Variants in CADPS observed in about 807,000 individuals in gnomAD.
CADPS encodes the protein calcium-dependent secretion activator 1.
In CADPS, 57 loss-of-function variants were observed where a neutral mutation model predicts 167.3. The observed-to-expected ratio is 0.34, with a 90% confidence interval of 0.28 to 0.42. The LOEUF is 0.42. Among genes scored for constraint, CADPS ranks in the 20% least tolerant of loss-of-function variants. CADPS has a pLI of 1.00. For synonymous variants in CADPS, 676 were observed against 635.3 expected, an observed-to-expected ratio of 1.06 and a Z score of -0.96; for missense variants, 1,414 against 1,738.1, an observed-to-expected ratio of 0.81 and a Z score of 3.32.
intron 12 of CADPS, among the ~76,000 whole-genome samples, chr3:62,533,602 A>G (rs1191783708): frequency 6.6e-6 from 1 of 152,206 alleles, no homozygotes; most frequent in Non-Finnish European, 1.5e-5. Flanking sequence ...TCACACAGAT[A>G]ATACAAAACA....
intron 17 of CADPS, among the ~76,000 whole-genome samples, chr3:62,508,320 T>C (rs1436635892): frequency 6.6e-6 from 1 of 152,182 alleles, no homozygotes; most frequent in African/African-American, 2.4e-5. Context: ...CAGGCCTTGA[T>C]TTTTCTAGCT....
At chr3:62,583,768 G>T (rs1376390779) in intron 8 of CADPS, among the ~76,000 whole-genome samples, 1 of 33,342 alleles carries the variant, frequency 3.0e-5, no homozygotes, top group African/African-American at 7.5e-5. Flanking sequence ...TTTTTCTCTG[G>T]AACCTTGGGC....
At chr3:62,843,358 A>T (rs1162103469) in intron 1 of CADPS, among the ~76,000 whole-genome samples, 3 of 152,220 alleles carry the variant, frequency 2.0e-5, no homozygotes, top group African/African-American at 7.2e-5. Context: ...AATATTGAAG[A>T]TTCGAGGCTA....
chr3:62,788,891 G>C lies in CADPS; in HGVS notation c.442-22907C>G, dbSNP rs149482035. On this transcript the variant is annotated intron_variant, in intron 1 of 29. Transcript: ENST00000383710. ...TTAAATTTGAAGTACTAAGGGCTTA[G>C]GGTACCTGTGACTCGTCTTAAGTAG... is the stretch of plus-strand genomic sequence containing the variant. 3.4e-3 allele frequency among the ~76,000 whole-genome samples: 515 copies of C among 152,280 alleles called. 2 individuals are homozygous for C. The highest frequency in any genetic ancestry group is 6.8e-3 in the Middle Eastern group (2 of 294).
chr3:62,704,610 TG>T (rs1251760768), intron 3 of CADPS, among the ~76,000 whole-genome samples: 2 of 152,186 alleles, frequency 1.3e-5, no homozygotes, highest in African/African-American at 4.8e-5. Context: ...GTCATGATGA[TG>T]GATTTGCTAC....
chr3:62,721,312 G>GC (rs959180665), intron 3 of CADPS, among the ~76,000 whole-genome samples: 1 of 151,990 alleles, frequency 6.6e-6, no homozygotes, highest in African/African-American at 2.4e-5. Flanking sequence ...AACTGCATGT[G>GC]CCTAACAATA....
At chr3:62,696,473 A>T (rs1270786271) in intron 3 of CADPS, among the ~76,000 whole-genome samples, 2 of 151,878 alleles carry the variant, frequency 1.3e-5, no homozygotes, top group South Asian at 4.2e-4. Context: ...CCTGCCTCTG[A>T]GCTCAGAGGC....
At chr3:62,466,728 T>G in intron 24 of CADPS, 1 of 353,926 alleles carries the variant, frequency 2.8e-6, no homozygotes, top group Non-Finnish European at 5.3e-6. Flanking sequence ...TTGATTTGGA[T>G]CTTACAAAGC....
chr3:62,841,168 T>C (rs1375834778), intron 1 of CADPS, among the ~76,000 whole-genome samples: 2 of 152,188 alleles, frequency 1.3e-5, no homozygotes, highest in Admixed American at 1.3e-4. Context: ...TCTAAATCCA[T>C]TGTTAGACAC....
chr3:62,626,720 G>T, intron 6 of CADPS: 1 of 547,066 alleles, frequency 1.8e-6, no homozygotes, highest in Non-Finnish European at 3.3e-6. Context: ...GGTTTTTACT[G>T]AAGTTATTTT....
chr3:62,494,626 T>G (rs1469557397), intron 18 of CADPS, among the ~76,000 whole-genome samples: 1 of 151,114 alleles, frequency 6.6e-6, no homozygotes, highest in Non-Finnish European at 1.5e-5. Context: ...TGTTTGCAAT[T>G]AAAAGTTTAT....
chr3:62,611,871 C>T (rs2061547028), intron 6 of CADPS, among the ~76,000 whole-genome samples: 1 of 152,174 alleles, frequency 6.6e-6, no homozygotes, highest in South Asian at 2.1e-4. Context: ...CTCTTCTTCC[C>T]TGCTCTTTTT....
intron 14 of CADPS, 83 bp downstream of exon 14, chr3:62,518,066 T>C (rs2069436205): frequency 2.3e-6 from 2 of 882,938 alleles, no homozygotes; most frequent in Non-Finnish European, 1.9e-6. Flanking sequence ...CTGGTAGATT[T>C]ACAGTTTTGG....
At chr3:62,444,145 C>A (rs995981245) in intron 27 of CADPS, among the ~76,000 whole-genome samples, 2 of 152,168 alleles carry the variant, frequency 1.3e-5, no homozygotes, top group African/African-American at 4.8e-5. Context: ...GGCTGAGATA[C>A]CCCCTCTGCT....
At chr3:62,666,370 A>G (rs1256754436) in intron 3 of CADPS, among the ~76,000 whole-genome samples, 1 of 152,158 alleles carries the variant, frequency 6.6e-6, no homozygotes. Flanking sequence ...CCCAAAATAT[A>G]AAGAGAAATC....
At chr3:62,622,335 C>T (rs985041474) in intron 6 of CADPS, among the ~76,000 whole-genome samples, 4 of 152,000 alleles carry the variant, frequency 2.6e-5, no homozygotes, top group South Asian at 2.1e-4. Context: ...CTGGGGATTC[C>T]GCAGGGAACA....
rs79922038 is a variant in CADPS at position 62,797,016 on chromosome 3, C to T, written c.442-31032G>A. Among the ~76,000 whole-genome samples, 250 of 152,268 alleles carry T rather than the reference C, an allele frequency of 1.6e-3. 5 individuals carry two copies. In the East Asian group the frequency reaches 0.039, roughly 24 times the overall value. The stretch of plus-strand genomic sequence containing the variant: ...ATGCTTATATTTACAATTTTACCAA[C>T]TGCATATTTTTTCCTTTATTCTAAG... On this transcript the variant is annotated intron_variant, in intron 1 of 29. Coordinates refer to ENST00000383710, the MANE Select transcript of CADPS (RefSeq NM_003716.4).
At chr3:62,555,474 G>T (rs183159785) in intron 10 of CADPS, among the ~76,000 whole-genome samples, 7 of 152,310 alleles carry the variant, frequency 4.6e-5, no homozygotes, top group Non-Finnish European at 8.8e-5. Flanking sequence ...CGTGACATGG[G>T]TTAGACCCGG....
At chr3:62,426,468 C>A (rs984249210) in intron 28 of CADPS, among the ~76,000 whole-genome samples, 1 of 152,146 alleles carries the variant, frequency 6.6e-6, no homozygotes, top group Non-Finnish European at 1.5e-5. Flanking sequence ...TTTTTTACAC[C>A]ACTACCACTA....
Sources: allele counts gnomAD v4.1 joint callset (sites outside exome capture counted in the v4.1 genomes callset), GRCh38; gene constraint gnomAD v4.1.1; transcripts MANE v1.5; gene names NCBI Gene and HGNC (gene_info 2026-07-23, HGNC 2026-07-21).